Variants in COL25A1 observed in about 807,000 individuals in gnomAD.
The protein encoded by COL25A1 is collagen type XXV alpha 1 chain.
Under a neutral mutation model 128.4 loss-of-function variants are expected in COL25A1, and 103 were observed. The ratio of observed to expected loss-of-function variants is 0.80; its 90% CI spans 0.68 to 0.94. COL25A1 has a LOEUF of 0.94. COL25A1 is among the 40% of genes least tolerant of loss of function. COL25A1 has a pLI of 0.00. For missense variants in COL25A1, 745 were observed against 840.0 expected, an observed-to-expected ratio of 0.89 and a Z score of 1.40; for synonymous variants, 279 against 277.2, an observed-to-expected ratio of 1.01 and a Z score of -0.06.
chr4:108,912,680 G>T (rs1744370265), intron 13 of COL25A1, among the ~76,000 whole-genome samples: 1 of 152,146 alleles, frequency 6.6e-6, no homozygotes, highest in South Asian at 2.1e-4. Context: ...AGTGTTTATA[G>T]TAAGTGAATG....
At chr4:109,095,358 T>A (rs772950114) in intron 3 of COL25A1, among the ~76,000 whole-genome samples, 2 of 152,216 alleles carry the variant, frequency 1.3e-5, no homozygotes, top group Non-Finnish European at 2.9e-5. Flanking sequence ...AATTCTCTTA[T>A]CAAAATATAC....
At chr4:109,040,267 C>T (rs534350963) in intron 5 of COL25A1, among the ~76,000 whole-genome samples, 4 of 152,146 alleles carry the variant, frequency 2.6e-5, no homozygotes, top group Admixed American at 2.6e-4. Flanking sequence ...TTAACTTAGG[C>T]CAAATGTAGG....
intron 3 of COL25A1, among the ~76,000 whole-genome samples, chr4:109,262,873 T>TA (rs901587787): frequency 1.3e-5 from 2 of 152,128 alleles, no homozygotes; most frequent in African/African-American, 4.8e-5. Flanking sequence ...GTCATGCCTG[T>TA]AATCCCAGCA....
chr4:109,043,837 A>C (rs1427637754), intron 5 of COL25A1, among the ~76,000 whole-genome samples: 8 of 152,138 alleles, frequency 5.3e-5, no homozygotes, highest in Non-Finnish European at 1.2e-4. Flanking sequence ...TAAGTGATCC[A>C]AAATAGAAGG....
chr4:109,096,898 A>G (rs1277667183), intron 3 of COL25A1, among the ~76,000 whole-genome samples: 1 of 152,212 alleles, frequency 6.6e-6, no homozygotes, highest in African/African-American at 2.4e-5. Context: ...GCTTTAATTC[A>G]TGATTCATTA....
chr4:109,190,376 T>C (rs1775500672), intron 3 of COL25A1, among the ~76,000 whole-genome samples: 1 of 151,638 alleles, frequency 6.6e-6, no homozygotes, highest in South Asian at 2.1e-4. Flanking sequence ...AAGGAAAATA[T>C]TTACAAAACA....
intron 3 of COL25A1, among the ~76,000 whole-genome samples, chr4:109,237,249 G>A (rs920275709): frequency 5.3e-5 from 8 of 152,016 alleles, no homozygotes; most frequent in Non-Finnish European, 7.4e-5. Flanking sequence ...TGATCTTCAC[G>A]TTACAAAAAA....
chr4:108,933,793 C>A (rs1210909536), intron 11 of COL25A1, among the ~76,000 whole-genome samples: 1 of 151,888 alleles, frequency 6.6e-6, no homozygotes, highest in African/African-American at 2.4e-5. Context: ...TAGTCATACA[C>A]CACTAAGTAG....
intron 5 of COL25A1, among the ~76,000 whole-genome samples, chr4:109,038,632 T>A (rs564131786): frequency 7.9e-5 from 12 of 152,170 alleles, no homozygotes; most frequent in Non-Finnish European, 1.8e-4. Flanking sequence ...GAGAATAAAG[T>A]CCTGAGCAAA....
chr4:109,268,082 T>C (rs559803397), intron 3 of COL25A1, among the ~76,000 whole-genome samples: 2 of 152,308 alleles, frequency 1.3e-5, no homozygotes, highest in South Asian at 2.1e-4. Flanking sequence ...ATTTTACTGA[T>C]TGAAAACTCA....
chr4:108,956,904 C>T (rs1432454811), intron 8 of COL25A1, among the ~76,000 whole-genome samples: 1 of 151,946 alleles, frequency 6.6e-6, no homozygotes, highest in Non-Finnish European at 1.5e-5. Context: ...GAGTGGTATA[C>T]TAACATGGAA....
chr4:108,946,919 G>T (rs1281079585), intron 8 of COL25A1, among the ~76,000 whole-genome samples: 1 of 152,186 alleles, frequency 6.6e-6, no homozygotes, highest in Non-Finnish European at 1.5e-5. Flanking sequence ...TATTAAGGAA[G>T]TTGAAATTTG....
intron 3 of COL25A1, among the ~76,000 whole-genome samples, chr4:109,240,450 A>T (rs1052453583): frequency 1.3e-5 from 2 of 152,046 alleles, no homozygotes; most frequent in African/African-American, 2.4e-5. Flanking sequence ...CAAAACTGTA[A>T]TGTGGCATCC....
chr4:109,254,469 T>TTATATATACATATA (rs1553968360), intron 3 of COL25A1, among the ~76,000 whole-genome samples: 1 of 59,592 alleles, frequency 1.7e-5, no homozygotes, highest in African/African-American at 5.6e-5. Context: ...AGGCATATGT[T>TTATATATACATATA]TATATATATA....
At chr4:108,832,588 C>A in intron 31 of COL25A1, 155 bp from the exon 32 acceptor site, 1 of 558,322 alleles carries the variant, frequency 1.8e-6, no homozygotes, top group East Asian at 2.9e-5. Context: ...TTCAGGCCAG[C>A]GGTTTTCAAG....
At chr4:109,065,543 CGCGTGTGT>C (rs1244380675) in intron 3 of COL25A1, among the ~76,000 whole-genome samples, 23 of 131,214 alleles carry the variant, frequency 1.8e-4, no homozygotes, top group African/African-American at 4.4e-4. Flanking sequence ...CGCGCGCGCG[CGCGTGTGT>C]GTGTGTGTGT....
chr4:109,011,485 C>T (rs1451683392), intron 5 of COL25A1, among the ~76,000 whole-genome samples: 3 of 152,202 alleles, frequency 2.0e-5, no homozygotes, highest in Non-Finnish European at 4.4e-5. Context: ...TCACCCCACT[C>T]CTGTACTCTC....
chr4:109,048,930 G>A (rs115188292), intron 4 of COL25A1, among the ~76,000 whole-genome samples: 2,440 of 151,954 alleles, frequency 0.016, 63 homozygotes, highest in African/African-American at 0.056. Context: ...TTTATAAAGT[G>A]TCCTCTATTA....
intron 3 of COL25A1, among the ~76,000 whole-genome samples, chr4:109,266,649 C>T (rs1283021157): frequency 6.8e-6 from 1 of 147,614 alleles, no homozygotes. Flanking sequence ...TCCATTACTA[C>T]GACCAAAAAA....
Sources: gnomAD v4.1 joint callset for allele counts (sites outside exome capture counted in the v4.1 genomes callset) on GRCh38, gnomAD v4.1.1 for gene constraint, MANE v1.5 for transcripts, NCBI Gene and HGNC (gene_info 2026-07-23, HGNC 2026-07-21) for gene names.